LIMS1: variants seen among roughly 807,000 people sequenced by gnomAD.
LIMS1 encodes LIM zinc finger domain containing 1.
Under a neutral mutation model 44.1 loss-of-function variants are expected in LIMS1, and 18 were observed. The ratio of observed to expected loss-of-function variants is 0.41; its 90% confidence interval spans 0.28 to 0.61. The LOEUF (loss-of-function observed/expected upper bound fraction) is 0.61, where lower values mean the gene tolerates loss of function less well. LIMS1 is among the 20% of genes least tolerant of loss of function. The pLI is 0.32. For missense variants in LIMS1, 201 were observed against 422.0 expected (o/e 0.48, Z 4.59); for synonymous variants, 93 against 149.1 (o/e 0.62, Z 2.74).
chr2:108,609,272 G>C (rs113297316), intron 1 of LIMS1, among the ~76,000 whole-genome samples: 3 of 152,082 alleles, frequency 2.0e-5, no homozygotes, highest in African/African-American at 7.2e-5. Context: ...AAGCATAAAG[G>C]CTTCTCCTCT....
intron 1 of LIMS1, among the ~76,000 whole-genome samples, chr2:108,568,338 G>T (rs1345551117): frequency 6.6e-6 from 1 of 152,168 alleles, no homozygotes; most frequent in African/African-American, 2.4e-5. Context: ...ATGTCCTCAA[G>T]CTTCATCCAT....
At chr2:108,599,295 G>A (rs12476399) in intron 1 of LIMS1, among the ~76,000 whole-genome samples, 68,960 of 151,968 alleles carry the variant, frequency 0.45, 16,922 homozygotes, top group East Asian at 0.96. Context: ...AATGATGTTT[G>A]TCTTTCTGTG....
At chr2:108,571,886 GC>G (rs373498826) in intron 1 of LIMS1, among the ~76,000 whole-genome samples, 27 of 152,312 alleles carry the variant, frequency 1.8e-4, no homozygotes, top group East Asian at 1.2e-3. Flanking sequence ...GTCTCATTGA[GC>G]CCCAGCTGCT....
chr2:108,545,396 G>A (rs1684451135), intron 1 of LIMS1, among the ~76,000 whole-genome samples: 2 of 152,144 alleles, frequency 1.3e-5, no homozygotes, highest in Admixed American at 6.6e-5. Flanking sequence ...ACCTCGCCTG[G>A]CTAATTTTTT....
At chr2:108,534,840 G>A (rs868194939) in intron 1 of LIMS1, among the ~76,000 whole-genome samples, 43 of 152,212 alleles carry the variant, frequency 2.8e-4, no homozygotes, top group African/African-American at 1.0e-3. Context: ...CCGCCCCGCT[G>A]CTCCGAGAGT....
intron 1 of LIMS1, among the ~76,000 whole-genome samples, chr2:108,583,700 C>CT (rs759827869): frequency 0.026 from 3,326 of 129,834 alleles, 183 homozygotes; most frequent in African/African-American, 0.085. Context: ...GTTGCTGTTT[C>CT]TTTTTTTTTT....
intron 1 of LIMS1, among the ~76,000 whole-genome samples, chr2:108,577,476 T>G (rs541872328): frequency 6.6e-6 from 1 of 152,356 alleles, no homozygotes; most frequent in African/African-American, 2.4e-5. Context: ...CTATAGCAGT[T>G]AGTGATATGG....
At chr2:108,681,428 T>A (rs6734945) in intron 9 of LIMS1, 741,533 of 893,218 alleles carry the variant, frequency 0.83, 304,074 homozygotes, top group East Asian at 0.98. Flanking sequence ...CATTTCTTTC[T>A]TTTTTTTTTA....
intron 1 of LIMS1, among the ~76,000 whole-genome samples, chr2:108,580,459 TG>T (rs1397516870): frequency 6.6e-6 from 1 of 151,944 alleles, no homozygotes; most frequent in African/African-American, 2.4e-5. Flanking sequence ...GTGGACGACA[TG>T]GGTACCCATG....
intron 2 of LIMS1, among the ~76,000 whole-genome samples, chr2:108,663,142 A>G (rs1299816876): frequency 6.6e-6 from 1 of 152,032 alleles, no homozygotes; most frequent in Non-Finnish European, 1.5e-5. Context: ...TTCTTAAGAC[A>G]GGGTCTTACC....
At chr2:108,616,360 C>T (rs190177903) in intron 1 of LIMS1, among the ~76,000 whole-genome samples, 5 of 152,104 alleles carry the variant, frequency 3.3e-5, no homozygotes, top group South Asian at 2.1e-4. Context: ...TACAGGCACT[C>T]GCCACCACGC....
In LIMS1 at chr2:108,558,624, T is replaced by C. The variant is rs149090814; in HGVS notation, c.32+24030T>C. Among the ~76,000 whole-genome samples, 671 of 152,174 alleles carry C rather than the reference T, an allele frequency of 4.4e-3. 4 individuals are homozygous for C. Among genetic ancestry groups the C allele is most frequent in the South Asian group, 0.014 (67 of 4,820 alleles). On this transcript the variant is annotated intron_variant, in intron 1 of 9. Transcript: ENST00000544547. ...AGTGCATTGGAGACAAATATCCTTT[T>C]ACATCAACTGTGAGAAAACTTTTAA... is the stretch of plus-strand genomic sequence containing the variant.
intron 1 of LIMS1, among the ~76,000 whole-genome samples, chr2:108,540,536 G>A (rs1204254606): frequency 1.3e-5 from 2 of 152,100 alleles, no homozygotes; most frequent in East Asian, 3.9e-4. Context: ...TGTGGAATTC[G>A]TGGTAGTATT....
intron 1 of LIMS1, among the ~76,000 whole-genome samples, chr2:108,613,100 A>G (rs1687747016): frequency 6.6e-6 from 1 of 152,188 alleles, no homozygotes; most frequent in Non-Finnish European, 1.5e-5. Flanking sequence ...CCCATCTGTA[A>G]ATGGGTATAA....
chr2:108,538,673 C>A (rs914815852), intron 1 of LIMS1, among the ~76,000 whole-genome samples: 1 of 152,210 alleles, frequency 6.6e-6, no homozygotes, highest in Non-Finnish European at 1.5e-5. Context: ...TCATACTATT[C>A]TGCAATTGCT....
chr2:108,621,492 C>T lies in LIMS1; in HGVS notation c.33-38113C>T, dbSNP rs528867499. ...TGCAAAGTCATGGTTGGCTAAAGGTCAAGACATCTAATCTAGTAAGTGCAG... is the reference window on the plus strand; with the variant it reads ...TGCAAAGTCATGGTTGGCTAAAGGTTAAGACATCTAATCTAGTAAGTGCAG... On this transcript the variant is annotated intron_variant, in intron 1 of 9. Coordinates refer to ENST00000544547, the Ensembl canonical transcript of LIMS1. The T allele has an allele frequency of 4.3e-4, 634 of 1,467,602 alleles. 1 individual carries two copies. Among genetic ancestry groups the T allele is most frequent in the Non-Finnish European group, 5.7e-4 (606 of 1,071,130 alleles). 90.9% of individuals were successfully genotyped at this position (1,467,602 alleles called of 1,614,324 possible). A position where few individuals can be genotyped will look rare whatever the true frequency, so the allele number is the denominator to read the frequency against.
intron 1 of LIMS1, among the ~76,000 whole-genome samples, chr2:108,578,280 T>C (rs1685744872): frequency 6.6e-6 from 1 of 152,232 alleles, no homozygotes; most frequent in African/African-American, 2.4e-5. Flanking sequence ...TTATGGTTCA[T>C]TTTATCATTC....
intron 1 of LIMS1, among the ~76,000 whole-genome samples, chr2:108,635,790 C>G (rs557249793): frequency 1.3e-5 from 2 of 152,214 alleles, no homozygotes; most frequent in Admixed American, 6.5e-5. Context: ...ACTCCTCCCC[C>G]CCGTCTGTTC....
chr2:108,659,861 T>G, intron 2 of LIMS1, 97 bp downstream of exon 2: 1 of 1,605,278 alleles, frequency 6.2e-7, no homozygotes, highest in Non-Finnish European at 8.5e-7. Context: ...TTCAGTTTCA[T>G]GATGAAAGAC....
Sources: gnomAD v4.1 joint callset for allele counts (sites outside exome capture counted in the v4.1 genomes callset) on GRCh38, gnomAD v4.1.1 for gene constraint, MANE v1.5 for transcripts, NCBI Gene and HGNC (gene_info 2026-07-23, HGNC 2026-07-21) for gene names.